Variants in PAWR observed in about 807,000 individuals in gnomAD.
The protein encoded by PAWR is pro-apoptotic WT1 regulator, also known as PRKC apoptosis WT1 regulator protein.
A neutral mutation model predicts 32.0 loss-of-function variants in PAWR; 23 were observed. The ratio of observed to expected loss-of-function variants is 0.72; its 90% confidence interval spans 0.52 to 1.02. PAWR has a LOEUF of 1.02. PAWR is among the 50% of genes least tolerant of loss of function. The pLI is 0.00. For synonymous variants in PAWR, 226 were observed against 187.1 expected, an observed-to-expected ratio of 1.21 and a Z score of -1.70; for missense variants, 457 against 437.7, an observed-to-expected ratio of 1.04 and a Z score of -0.39.
At chr12:79,595,288 C>G (rs1019033602) in intron 5 of PAWR, among the ~76,000 whole-genome samples, 3 of 151,796 alleles carry the variant, frequency 2.0e-5, no homozygotes, top group Non-Finnish European at 4.4e-5. Context: ...ACATCTTTTT[C>G]AAAGACATCT....
intron 2 of PAWR, among the ~76,000 whole-genome samples, chr12:79,626,887 G>A (rs1373252207): frequency 1.3e-5 from 2 of 151,998 alleles, no homozygotes; most frequent in Admixed American, 6.6e-5. Flanking sequence ...ATGGTTTCCA[G>A]TTTCATCCAT....
chr12:79,681,766 T>C (rs1431413279), intron 2 of PAWR, among the ~76,000 whole-genome samples: 4 of 152,234 alleles, frequency 2.6e-5, no homozygotes, highest in African/African-American at 7.2e-5. Flanking sequence ...GCATCAACTT[T>C]TGCTTACATT....
chr12:79,596,512 T>C lies in PAWR; in HGVS notation c.830A>G (p.Lys277Arg). ...TCTTAAATAACTTATAATCCATACC[T>C]TTTCAAGATCTTCAATTTTCTTTTC... ...TLEKKIEDLE[K>R]EVVRERQENL... Residue 277 changes from lysine (K) to arginine (R), a missense_variant and splice_region_variant, in exon 5 of 7, where the codon AAG becomes AGG. Physicochemically the swap from Lys to Arg is conservative, Grantham distance 26 (BLOSUM62 2). Coordinates refer to ENST00000328827, the MANE Select transcript of PAWR (RefSeq NM_002583.4). The C allele has an allele frequency of 6.6e-7, 1 of 1,517,448 alleles. No individual in the cohort carries two copies. Among genetic ancestry groups the C allele is most frequent in the Non-Finnish European group, 9.0e-7 (1 of 1,106,882 alleles). The allele number at this position is 1,517,448 out of a possible 1,614,324, so 94.0% of individuals were successfully genotyped here.
intron 2 of PAWR, among the ~76,000 whole-genome samples, chr12:79,658,392 G>C (rs758670084): frequency 6.6e-6 from 1 of 152,108 alleles, no homozygotes; most frequent in Non-Finnish European, 1.5e-5. Flanking sequence ...CTAAATACTT[G>C]AAATTCTTCC....
chr12:79,616,987 A>G (rs1260115668), intron 3 of PAWR, among the ~76,000 whole-genome samples: 1 of 152,200 alleles, frequency 6.6e-6, no homozygotes, highest in African/African-American at 2.4e-5. Context: ...ACACGAGTTT[A>G]TTCCTTATTG....
chr12:79,594,744 T>G lies in PAWR; in HGVS notation c.832-311A>C, dbSNP rs151277025. 1.2e-3 allele frequency among the ~76,000 whole-genome samples: 183 copies of G among 152,112 alleles called. 1 individual carries two copies. The East Asian group carries it at 0.03, about 25-fold the overall frequency. On this transcript the variant is annotated intron_variant, in intron 5 of 6. Transcript: ENST00000328827. ...GTGTGTGTGTATGTATGTATGGCAG[T>G]GTTTCACTCTTGTCACCCAGGCTGG...
intron 6 of PAWR, among the ~76,000 whole-genome samples, chr12:79,593,883 T>C (rs1264769077): frequency 6.6e-6 from 1 of 151,574 alleles, no homozygotes; most frequent in East Asian, 2.0e-4. Context: ...TTCATATTTT[T>C]AGTAGAGTCG....
intron 2 of PAWR, among the ~76,000 whole-genome samples, chr12:79,674,943 C>G (rs563362415): frequency 6.6e-6 from 1 of 152,278 alleles, no homozygotes; most frequent in Non-Finnish European, 1.5e-5. Flanking sequence ...AAAGGGAACA[C>G]CCAAACACTG....
At chr12:79,643,033 C>T (rs61414304) in intron 2 of PAWR, among the ~76,000 whole-genome samples, 1 of 152,248 alleles carries the variant, frequency 6.6e-6, no homozygotes, top group South Asian at 2.1e-4. Context: ...CTGCTATATT[C>T]TTATATACCA....
chr12:79,672,471 C>T (rs1877952154), intron 2 of PAWR, among the ~76,000 whole-genome samples: 1 of 152,092 alleles, frequency 6.6e-6, no homozygotes, highest in Admixed American at 6.6e-5. Context: ...AACATTTTTA[C>T]CCCAGCTCCT....
chr12:79,669,950 C>T (rs1877807590), intron 2 of PAWR, among the ~76,000 whole-genome samples: 2 of 152,176 alleles, frequency 1.3e-5, no homozygotes, highest in Admixed American at 6.5e-5. Flanking sequence ...ATCCACCCTC[C>T]TCCACCTCCC....
chr12:79,621,849 A>G (rs2136717877), intron 2 of PAWR, among the ~76,000 whole-genome samples: 2 of 152,256 alleles, frequency 1.3e-5, no homozygotes, highest in South Asian at 2.1e-4. Flanking sequence ...AAATTATCTA[A>G]CTCTACACTT....
chr12:79,629,553 T>A (rs1432175552), intron 2 of PAWR, among the ~76,000 whole-genome samples: 1 of 151,884 alleles, frequency 6.6e-6, no homozygotes, highest in East Asian at 1.9e-4. Flanking sequence ...CACTTCTCTA[T>A]CAGTACTTAA....
At chr12:79,597,426 T>C (rs73136658) in intron 4 of PAWR, among the ~76,000 whole-genome samples, 2,687 of 152,230 alleles carry the variant, frequency 0.018, 38 homozygotes, top group Non-Finnish European at 0.028. Flanking sequence ...CAATCTTTCA[T>C]GGACCAACAC....
intron 5 of PAWR, among the ~76,000 whole-genome samples, chr12:79,595,862 TAAATA>T (rs1051746829): frequency 3.3e-5 from 5 of 151,152 alleles, no homozygotes; most frequent in Middle Eastern, 3.4e-3. Flanking sequence ...CAAAACTAAA[TAAATA>T]AATAAAAATA....
Position 79,689,981 on chromosome 12 carries a change from G to A in PAWR, c.264C>T (p.Gly88=), listed in dbSNP as rs1565710189. ...TGGCGGAGCCGACCGCGCAGTTCACGCCCCCGGGACCGGGGACGGCAGGTG... is the reference window on the plus strand; with the variant it reads ...TGGCGGAGCCGACCGCGCAGTTCACACCCCCGGGACCGGGGACGGCAGGTG... ...PAAPAVPGPG[G]VNCAVGSAML... Residue 88 remains glycine, a synonymous_variant, in exon 2 of 7, where the codon GGC becomes GGT. Transcript: ENST00000328827. 2 of 1,338,112 alleles carry A rather than the reference G, an allele frequency of 1.5e-6. No individual in the cohort carries two copies. The highest frequency in any genetic ancestry group is 3.1e-5 in the East Asian group (1 of 31,920). 82.9% of individuals were successfully genotyped at this position (1,338,112 alleles called of 1,614,324 possible). A position where few individuals can be genotyped will look rare whatever the true frequency, so the allele number is the denominator to read the frequency against.
At position 79,596,668 on chromosome 12, in the gene PAWR, T is replaced by C. The variant is rs751916172; in HGVS notation, c.684-10A>G. 5.2e-6 allele frequency: 8 copies of C among 1,541,920 alleles called. No homozygotes were observed. The Admixed American group carries it at 1.3e-4, about 25-fold the overall frequency. On this transcript the variant is annotated splice_polypyrimidine_tract_variant and intron_variant, in intron 4 of 6. Transcript: ENST00000328827. ...AGAGACACTGGTTGTGCTGTGGAAA[T>C]ATAAACATTTTATTAAAATCCCTAG...
rs1239367110 is a variant in PAWR at position 79,618,141 on chromosome 12, C to CT, written c.648+2934dup. On this transcript the variant is annotated intron_variant, in intron 3 of 6. Transcript: ENST00000328827. Reference sequence around the variant, plus strand: ...TCATCACTTCTTTTTTTTTTTGTTTCTTTTTTTGAGACACAGTCTCGCTGT... The same window carrying CT: ...TCATCACTTCTTTTTTTTTTTGTTTCTTTTTTTTGAGACACAGTCTCGCTGT... 4.0e-5 allele frequency among the ~76,000 whole-genome samples: 6 copies of CT among 149,364 alleles called. 1 individual carries two copies. Among genetic ancestry groups the CT allele is most frequent in the African/African-American group, 1.5e-4 (6 of 40,706 alleles).
At chr12:79,658,471 G>T (rs771673360) in intron 2 of PAWR, among the ~76,000 whole-genome samples, 8 of 152,020 alleles carry the variant, frequency 5.3e-5, no homozygotes, top group African/African-American at 1.4e-4. Flanking sequence ...AGAGAAAAAA[G>T]ATTTTTTTGC....
Sources: gnomAD v4.1 joint callset for allele counts (sites outside exome capture counted in the v4.1 genomes callset) on GRCh38, gnomAD v4.1.1 for gene constraint, MANE v1.5 for transcripts, NCBI Gene and HGNC (gene_info 2026-07-23, HGNC 2026-07-21) for gene names.